KAT6B: variants seen among roughly 807,000 people sequenced by gnomAD.
The protein encoded by KAT6B is lysine acetyltransferase 6B.
Under a neutral mutation model 187.5 loss-of-function variants are expected in KAT6B, and 10 were observed. That is an observed-to-expected ratio of 0.05 (90% CI 0.03 to 0.09). The LOEUF is 0.09. Among genes scored for constraint, KAT6B ranks in the 10% least tolerant of loss-of-function variants. The pLI is 1.00. For missense variants in KAT6B, 1,952 were observed against 2,558.9 expected (o/e 0.76, Z 5.12); for synonymous variants, 861 against 926.8 (o/e 0.93, Z 1.29).
At position 75,020,954 on chromosome 10, in the gene KAT6B, A is replaced by G. The variant is rs1015206398; in HGVS notation, c.2861+141A>G. 2.7e-5 allele frequency: 26 copies of G among 973,084 alleles called. No individual in the cohort carries two copies. In the Admixed American group the frequency reaches 4.9e-4, roughly 18 times the overall value. 60.3% of individuals were successfully genotyped at this position (973,084 alleles called of 1,614,324 possible). On this transcript the variant is annotated intron_variant, in intron 14 of 17. Transcript: ENST00000287239. Reference sequence around the variant, plus strand: ...AAACCTTTTCTCCTAAAAATAACACATGAAATGACACTTTTTTACTGGTTG... The same window carrying G: ...AAACCTTTTCTCCTAAAAATAACACGTGAAATGACACTTTTTTACTGGTTG...
chr10:74,924,143 A>G (rs1848329779), intron 3 of KAT6B, among the ~76,000 whole-genome samples: 1 of 152,182 alleles, frequency 6.6e-6, no homozygotes, highest in African/African-American at 2.4e-5. Context: ...AGTAAAGGGG[A>G]GAGATGGCCA....
chr10:74,972,691 A>G, intron 7 of KAT6B, 52 bp downstream of exon 7: 1 of 1,511,752 alleles, frequency 6.6e-7, no homozygotes, highest in South Asian at 1.1e-5. Context: ...TTTAAAATAT[A>G]GGTGATTGTT....
intron 3 of KAT6B, among the ~76,000 whole-genome samples, chr10:74,845,260 G>A (rs564039025): frequency 4.6e-5 from 7 of 151,912 alleles, no homozygotes; most frequent in African/African-American, 1.7e-4. Context: ...AGGCACAGTG[G>A]CTCATGCCTG....
intron 13 of KAT6B, among the ~76,000 whole-genome samples, chr10:75,001,855 A>G (rs1843855987): frequency 6.6e-6 from 1 of 152,122 alleles, no homozygotes; most frequent in African/African-American, 2.4e-5. Context: ...ACCTGACTGT[A>G]TTACGCCCCC....
intron 3 of KAT6B, among the ~76,000 whole-genome samples, chr10:74,902,835 T>C (rs1846495353): frequency 6.6e-6 from 1 of 152,238 alleles, no homozygotes; most frequent in Non-Finnish European, 1.5e-5. Context: ...TTGGCTTGCA[T>C]TACTTATCAA....
At chr10:74,897,916 A>G (rs1158950113) in intron 3 of KAT6B, among the ~76,000 whole-genome samples, 2 of 152,204 alleles carry the variant, frequency 1.3e-5, no homozygotes, top group Admixed American at 6.5e-5. Flanking sequence ...AATTAGCTAT[A>G]ATTCATTTGC....
At chr10:74,976,587 C>T (rs916546746) in intron 8 of KAT6B, 1 of 533,716 alleles carries the variant, frequency 1.9e-6, no homozygotes, top group Non-Finnish European at 3.4e-6. Flanking sequence ...CTAGGACCCC[C>T]AGATGCCTTC....
chr10:74,930,697 T>C (rs1848808414), intron 3 of KAT6B, among the ~76,000 whole-genome samples: 1 of 152,224 alleles, frequency 6.6e-6, no homozygotes, highest in Non-Finnish European at 1.5e-5. Context: ...ACTTTTGAAA[T>C]ATATCATGTA....
chr10:74,845,982 G>A (rs2132106398), intron 3 of KAT6B, among the ~76,000 whole-genome samples: 1 of 151,560 alleles, frequency 6.6e-6, no homozygotes, highest in East Asian at 2.0e-4. Context: ...TCTCACCTCA[G>A]CCACCCGAGC....
intron 13 of KAT6B, among the ~76,000 whole-genome samples, chr10:75,008,035 A>G (rs1278556791): frequency 6.6e-6 from 1 of 152,238 alleles, no homozygotes; most frequent in Non-Finnish European, 1.5e-5. Context: ...AGTCTAGTTC[A>G]TTAGAGAACA....
chr10:74,946,019 T>C (rs1262526669), intron 3 of KAT6B, among the ~76,000 whole-genome samples: 1 of 152,208 alleles, frequency 6.6e-6, no homozygotes, highest in Non-Finnish European at 1.5e-5. Flanking sequence ...AAATTGGCAT[T>C]GTGTTCTTAA....
intron 3 of KAT6B, among the ~76,000 whole-genome samples, chr10:74,928,180 G>A (rs936948288): frequency 6.6e-6 from 1 of 152,172 alleles, no homozygotes; most frequent in Admixed American, 6.5e-5. Flanking sequence ...GGATATTTGA[G>A]TAAAGTAAGT....
chr10:74,982,991 C>T (rs1406289760), intron 11 of KAT6B: 1 of 152,228 alleles, frequency 6.6e-6, no homozygotes, highest in Non-Finnish European at 1.5e-5. Context: ...CCTTCTCAGA[C>T]AGGTCTGGGC....
intron 17 of KAT6B, among the ~76,000 whole-genome samples, chr10:75,026,394 T>C (rs1845839510): frequency 6.6e-6 from 1 of 152,116 alleles, no homozygotes; most frequent in African/African-American, 2.4e-5. Context: ...ACTCTCTCTA[T>C]TCCCTGGCCA....
intron 3 of KAT6B, among the ~76,000 whole-genome samples, chr10:74,925,163 C>T (rs1465333829): frequency 6.6e-6 from 1 of 152,170 alleles, no homozygotes; most frequent in Non-Finnish European, 1.5e-5. Flanking sequence ...ACCTCAGCCT[C>T]CCAATTAGCT....
intron 13 of KAT6B, among the ~76,000 whole-genome samples, chr10:75,005,598 T>C (rs1382998806): frequency 2.6e-5 from 4 of 152,204 alleles, no homozygotes; most frequent in African/African-American, 4.8e-5. Context: ...GTTTTTTGTT[T>C]GTTTGTTTTT....
At chr10:74,878,422 C>A in intron 3 of KAT6B, among the ~76,000 whole-genome samples, 1 of 151,930 alleles carries the variant, frequency 6.6e-6, no homozygotes, top group East Asian at 1.9e-4. Flanking sequence ...GAGTTCTAGA[C>A]CAGCCTGGGC....
intron 13 of KAT6B, among the ~76,000 whole-genome samples, chr10:74,992,669 G>A (rs1843188289): frequency 6.6e-6 from 1 of 152,048 alleles, no homozygotes. Flanking sequence ...GCAAATGCAG[G>A]GCTTTGAACA....
At chr10:74,865,460 A>G (rs1239108608) in intron 3 of KAT6B, among the ~76,000 whole-genome samples, 1 of 152,042 alleles carries the variant, frequency 6.6e-6, no homozygotes, top group African/African-American at 2.4e-5. Context: ...TTCCCAAACC[A>G]AAGTGTGCCT....
Sources: allele counts gnomAD v4.1 joint callset (sites outside exome capture counted in the v4.1 genomes callset), GRCh38; gene constraint gnomAD v4.1.1; transcripts MANE v1.5; gene names NCBI Gene and HGNC (gene_info 2026-07-23, HGNC 2026-07-21).